The following ABL1 variants were observed in gnomAD, a reference collection of about 807,000 sequenced individuals.
ABL1 encodes ABL proto-oncogene 1, non-receptor tyrosine kinase, also known as tyrosine-protein kinase ABL1.
In ABL1, 11 loss-of-function variants were observed where a neutral mutation model predicts 94.7. That is an observed-to-expected ratio of 0.12 (90% confidence interval 0.07 to 0.19). The LOEUF (loss-of-function observed/expected upper bound fraction) is 0.19. ABL1 is among the 10% of genes least tolerant of loss of function. ABL1 has a pLI of 1.00. For synonymous variants in ABL1, 656 were observed against 622.4 expected (o/e 1.05, Z -0.80); for missense variants, 1,082 against 1,489.4 (o/e 0.73, Z 4.50).
In ABL1 at chr9:130,814,900, T is replaced by TAAAGTTTAGTAAAATAA. The variant is rs59727762; in HGVS notation, c.137-39160_137-39144dup. Among the ~76,000 whole-genome samples the TAAAGTTTAGTAAAATAA allele has an allele frequency of 0.036, 5,374 of 151,232 alleles. 311 individuals are homozygous for TAAAGTTTAGTAAAATAA. Among genetic ancestry groups the TAAAGTTTAGTAAAATAA allele is most frequent in the African/African-American group, 0.12 (5,044 of 41,192 alleles). On this transcript the variant is annotated intron_variant, in intron 1 of 10. Coordinates refer to the ABL1 transcript ENST00000372348. This position sits in a 1 kb window ranked among gnomAD's most constrained non-coding sequence, Gnocchi z 4.4. Reference sequence around the variant, plus strand: ...TCAAAAAAATAAAATAAAATAAAAATAAAGTTTAGTAAAATAAAAAAAATC... The same window carrying TAAAGTTTAGTAAAATAA: ...TCAAAAAAATAAAATAAAATAAAAATAAAGTTTAGTAAAATAAAAAGTTTAGTAAAATAAAAAAAATC...
intron 1 of ABL1, among the ~76,000 whole-genome samples, chr9:130,827,366 A>T (rs1441526990): frequency 6.6e-6 from 1 of 152,168 alleles, no homozygotes; most frequent in Non-Finnish European, 1.5e-5. Context: ...TGAAAAAGCG[A>T]GTTTACCATC....
intron 10 of ABL1, 40 bp from the exon 11 acceptor site, chr9:130,883,929 G>A: frequency 6.4e-7 from 1 of 1,568,746 alleles, no homozygotes; most frequent in Non-Finnish European, 8.6e-7. Context: ...TCAGCCTCTA[G>A]AGTTGTCTGG....
intron 1 of ABL1, among the ~76,000 whole-genome samples, chr9:130,780,560 A>G (rs542682442): frequency 6.6e-6 from 1 of 152,230 alleles, no homozygotes; most frequent in East Asian, 1.9e-4. Context: ...CGTACCTGCT[A>G]TTTCTAGGCG....
Position 130,885,074 on chromosome 9 carries a change from G to T in ABL1, c.2784G>T (p.Leu928=), listed in dbSNP as rs765188471. 10 of 1,609,932 alleles carry T rather than the reference G, an allele frequency of 6.2e-6. No individual in the cohort carries two copies. The highest frequency in any genetic ancestry group is 1.7e-5 in the Admixed American group (1 of 59,754). ...PSQEAAGEAV[L]GAKTKATSLV... is the part of the protein sequence containing the mutation. ...AGGAGGCGGCCGGGGAGGCAGTCCT[G>T]GGCGCAAAGACAAAAGCCACGAGTC... The change falls in exon 11 of 11, where the codon CTG becomes CTT. Residue 928 remains leucine (L), a synonymous_variant. Transcript: ENST00000318560.
chr9:130,730,233 G>C (rs1256755372), intron 1 of ABL1, among the ~76,000 whole-genome samples: 1 of 151,438 alleles, frequency 6.6e-6, no homozygotes, highest in Admixed American at 6.6e-5. Context: ...GTAGAGACGG[G>C]GTTTCTCTGT....
At chr9:130,786,580 G>C (rs891131028) in intron 1 of ABL1, among the ~76,000 whole-genome samples, 1 of 152,204 alleles carries the variant, frequency 6.6e-6, no homozygotes, top group Non-Finnish European at 1.5e-5. Flanking sequence ...TGCGGGCAGG[G>C]AAGTGATGAT....
rs766734270 is a variant in ABL1, at chr9:130,714,399, G to C, written c.80G>C (p.Gly27Ala). 2.5e-6 allele frequency: 4 copies of C among 1,614,126 alleles called. No homozygotes were observed. In the South Asian group the frequency reaches 3.3e-5, roughly 13 times the overall value. ...GCCCTGCATTTTATCAAAGGAGCAG[G>C]GAAGAAGGAATCATCGAGGCATGGG... is the stretch of plus-strand genomic sequence containing the variant. The change falls in exon 1 of 11, where the codon GGG (glycine) becomes GCG (alanine). Residue 27 changes from glycine to alanine, a missense_variant. By Grantham distance (60) the Gly-to-Ala change is moderately conservative (BLOSUM62 0). Coordinates refer to the ABL1 transcript ENST00000372348.
In ABL1 at chr9:130,862,443, G is replaced by A. The variant is rs1459605011; in HGVS notation, c.550-320G>A. On this transcript the variant is annotated intron_variant, in intron 3 of 10. Coordinates refer to ENST00000318560, the MANE Select transcript of ABL1 (RefSeq NM_005157.6). This position sits in a 1 kb window ranked among gnomAD's most constrained non-coding sequence, Gnocchi z 5.5. ...ATTGGGTGGTTGGGGAAGACTTCACGGACCTTAAAACTGGCCTTGGAACGG... is the reference window on the plus strand; with the variant it reads ...ATTGGGTGGTTGGGGAAGACTTCACAGACCTTAAAACTGGCCTTGGAACGG... Among the ~76,000 whole-genome samples, 9 of 152,156 alleles carry A rather than the reference G, an allele frequency of 5.9e-5. No individual in the cohort carries two copies. Among genetic ancestry groups the A allele is most frequent in the East Asian group, 5.8e-4 (3 of 5,198 alleles).
chr9:130,751,842 G>C (rs1214731401), intron 1 of ABL1, among the ~76,000 whole-genome samples: 3 of 152,204 alleles, frequency 2.0e-5, no homozygotes, highest in Admixed American at 1.3e-4. Flanking sequence ...CCTCCCATCT[G>C]CTTTCCAAAT....
intron 1 of ABL1, among the ~76,000 whole-genome samples, chr9:130,785,015 C>T (rs917262069): frequency 3.3e-5 from 5 of 152,218 alleles, no homozygotes; most frequent in Non-Finnish European, 5.9e-5. Flanking sequence ...CTACCCTCTC[C>T]CCACCTGTGC....
intron 1 of ABL1, among the ~76,000 whole-genome samples, chr9:130,829,949 C>T (rs1022591984): frequency 6.6e-6 from 1 of 152,084 alleles, no homozygotes; most frequent in Admixed American, 6.5e-5. Flanking sequence ...GATGATGTTA[C>T]TAGCTAAAAA....
intron 1 of ABL1, among the ~76,000 whole-genome samples, chr9:130,787,225 A>G (rs1451381129): frequency 6.6e-6 from 1 of 151,808 alleles, no homozygotes; most frequent in Non-Finnish European, 1.5e-5. Context: ...GAGGATGGGG[A>G]CTTTCTTGGT....
chr9:130,797,997 A>C (rs942917314), intron 1 of ABL1, among the ~76,000 whole-genome samples: 40 of 152,074 alleles, frequency 2.6e-4, no homozygotes, highest in African/African-American at 9.7e-4. Flanking sequence ...TTTCTTCAGC[A>C]GGTCAGAATT....
At chr9:130,783,465 G>A (rs936859116) in intron 1 of ABL1, among the ~76,000 whole-genome samples, 7 of 152,192 alleles carry the variant, frequency 4.6e-5, no homozygotes, top group African/African-American at 1.4e-4. Flanking sequence ...TTGCAAAGTC[G>A]AGCAGTAGAT....
At chr9:130,786,296 AT>A (rs1311362838) in intron 1 of ABL1, among the ~76,000 whole-genome samples, 1 of 152,122 alleles carries the variant, frequency 6.6e-6, no homozygotes, top group African/African-American at 2.4e-5. Flanking sequence ...TAGGAGAAAT[AT>A]TGGCTCTGTG....
intron 1 of ABL1, among the ~76,000 whole-genome samples, chr9:130,846,581 T>TAATG (rs2132940963): frequency 6.6e-6 from 1 of 152,330 alleles, no homozygotes; most frequent in African/African-American, 2.4e-5. Context: ...GTGTGAACAG[T>TAATG]AATGAATGCT....
intron 1 of ABL1, among the ~76,000 whole-genome samples, chr9:130,727,327 A>G (rs1831599564): frequency 6.7e-6 from 1 of 150,358 alleles, no homozygotes; most frequent in Non-Finnish European, 1.5e-5. Flanking sequence ...TGGGCCTCCC[A>G]AAGTGCTGGG....
In ABL1 at chr9:130,884,501, T is replaced by A. The variant is rs1831529451; in HGVS notation, c.2211T>A (p.Pro737=). Residue 737 remains proline, a synonymous_variant, in exon 11 of 11, where the codon CCT becomes CCA. Coordinates refer to ENST00000318560, the MANE Select transcript of ABL1 (RefSeq NM_005157.6). This position sits in a 1 kb window ranked among gnomAD's most constrained non-coding sequence, Gnocchi z 5.6. ...CGGAGTGGAGGTCAGTCACGCTGCC[T>A]CGGGACTTGCAGTCCACGGGAAGAC... ...KDTEWRSVTL[P]RDLQSTGRQF... 6.2e-7 allele frequency: 1 copy of A among 1,613,176 alleles called. No homozygotes were observed. Among genetic ancestry groups the A allele is most frequent in the South Asian group, 1.1e-5 (1 of 91,092 alleles).
intron 1 of ABL1, among the ~76,000 whole-genome samples, chr9:130,804,134 A>G (rs1830092318): frequency 6.6e-6 from 1 of 152,074 alleles, no homozygotes; most frequent in Admixed American, 6.6e-5. Flanking sequence ...AGGCGGGTGG[A>G]TCACGAGATC....
Sources: allele counts gnomAD v4.1 joint callset (sites outside exome capture counted in the v4.1 genomes callset), GRCh38; gene constraint gnomAD v4.1.1; non-coding constraint Gnocchi (gnomAD v3.1); transcripts MANE v1.5; gene names NCBI Gene and HGNC (gene_info 2026-07-23, HGNC 2026-07-21).